MPV17L: variants seen among roughly 807,000 people sequenced by gnomAD.
MPV17L encodes the protein mpv17-like protein.
In MPV17L, 24 loss-of-function variants were observed where a neutral mutation model predicts 25.8. The observed-to-expected ratio is 0.93, with a 90% CI of 0.67 to 1.31. The LOEUF is 1.31. MPV17L is among the 50% of genes most tolerant of loss of function. The pLI is 0.00. For synonymous variants in MPV17L, 102 were observed against 115.3 expected, an observed-to-expected ratio of 0.88 and a Z score of 0.74; for missense variants, 250 against 265.6, an observed-to-expected ratio of 0.94 and a Z score of 0.41.
rs568299549 is a variant in MPV17L, at chr16:15,411,257, G to C, written c.*3145G>C. On this transcript the variant is annotated 3_prime_UTR_variant, in exon 4 of 4. Transcript: ENST00000396385. ...AAAACAAACAAACAAACAAAAAACT[G>C]TACCCAAGTTAATTATAAGTACTAC... 1.3e-5 allele frequency: 2 copies of C among 152,238 alleles called. No individual in the cohort carries two copies. The highest frequency in any genetic ancestry group is 1.5e-5 in the Non-Finnish European group (1 of 68,144). The allele number at this position is 152,238 out of a possible 1,614,324, so 9.4% of individuals were successfully genotyped here.
chr16:15,405,926 C>T (rs566873350), intron 2 of MPV17L, among the ~76,000 whole-genome samples: 31 of 151,852 alleles, frequency 2.0e-4, no homozygotes, highest in African/African-American at 7.2e-4. Context: ...TGGTGGCTCA[C>T]GCCTGTAATC....
Position 15,407,851 on chromosome 16 carries a change from C to T in MPV17L, c.409C>T (p.Gln137Ter), listed in dbSNP as rs753612895. The change falls in exon 3 of 4, where the codon CAG (glutamine) becomes TAG (stop). Residue 137 changes from glutamine to a stop codon, truncating the protein, a stop_gained and splice_region_variant. Coordinates refer to ENST00000396385, the MANE Select transcript of MPV17L (RefSeq NM_001128423.2). LOFTEE classifies it high-confidence loss of function. ...TGGACTGATGTACTGGCCCTTTGTACAGGTAAGTTCCACCTACTCAGTAAT... is the reference window on the plus strand; with the variant it reads ...TGGACTGATGTACTGGCCCTTTGTATAGGTAAGTTCCACCTACTCAGTAAT... ...LSGLMYWPFV[Q>*]LTNFSLVPVQ... 6.2e-7 allele frequency: 1 copy of T among 1,612,026 alleles called. No individual in the cohort carries two copies. Among genetic ancestry groups the T allele is most frequent in the South Asian group, 1.1e-5 (1 of 91,004 alleles).
chr16:15,403,092 G>A (rs897512777), intron 2 of MPV17L, among the ~76,000 whole-genome samples: 11 of 150,478 alleles, frequency 7.3e-5, no homozygotes, highest in African/African-American at 1.7e-4. Context: ...AGCAAGGACC[G>A]GAGGCAGTAG....
intron 1 of MPV17L, among the ~76,000 whole-genome samples, chr16:15,400,040 G>T (rs1364800317): frequency 1.3e-5 from 2 of 152,122 alleles, no homozygotes; most frequent in Non-Finnish European, 2.9e-5. Flanking sequence ...CCAACCTCAG[G>T]TGATCTGCCA....
intron 2 of MPV17L, among the ~76,000 whole-genome samples, chr16:15,401,075 TATATATATA>T (rs1416032015): frequency 1.6e-3 from 56 of 34,826 alleles, no homozygotes; most frequent in Middle Eastern, 9.1e-3. Context: ...TATATATATA[TATATATATA>T]TATTTTTTTT....
In MPV17L at chr16:15,409,079, C is replaced by CT. The variant is rs71152421; in HGVS notation, c.*987dup. The CT allele has an allele frequency of 0.57, 58,823 of 102,642 alleles. 19,610 individuals carry two copies. The highest frequency in any genetic ancestry group is 0.7 in the Non-Finnish European group (37,874 of 54,460). 6.4% of individuals were successfully genotyped at this position (102,642 alleles called of 1,614,324 possible). ...TACAGGCGTGAGCCACCACAACCGA[C>CT]TTTTTTTTTTTTTTTTTTTTGAGAC... On this transcript the variant is annotated 3_prime_UTR_variant, in exon 4 of 4. Coordinates refer to ENST00000396385, the MANE Select transcript of MPV17L (RefSeq NM_001128423.2).
rs532353987 is a variant in MPV17L at position 15,400,712 on chromosome 16, T to C, written c.311-75T>C. Reference sequence around the variant, plus strand: ...GTGATGGTTACTTTGCATTTTGGAATGGGAAACTTAAACATGAACTGTTAT... The same window carrying C: ...GTGATGGTTACTTTGCATTTTGGAACGGGAAACTTAAACATGAACTGTTAT... On this transcript the variant is annotated intron_variant, in intron 1 of 3. Coordinates refer to ENST00000396385, the MANE Select transcript of MPV17L (RefSeq NM_001128423.2). 17 of 1,001,836 alleles carry C rather than the reference T, an allele frequency of 1.7e-5. No individual in the cohort carries two copies. In the African/African-American group the frequency reaches 2.3e-4, roughly 14 times the overall value. 62.1% of individuals were successfully genotyped at this position (1,001,836 alleles called of 1,614,324 possible). A position where few individuals can be genotyped will look rare whatever the true frequency, so the allele number is the denominator to read the frequency against.
intron 2 of MPV17L, among the ~76,000 whole-genome samples, chr16:15,407,512 G>T (rs1220361953): frequency 1.7e-5 from 1 of 57,244 alleles, no homozygotes; most frequent in Non-Finnish European, 5.5e-5. Context: ...GGATGCCGAG[G>T]TGGTGGATCA....
intron 2 of MPV17L, among the ~76,000 whole-genome samples, chr16:15,402,576 A>G (rs1461751701): frequency 1.3e-5 from 2 of 152,118 alleles, no homozygotes; most frequent in Non-Finnish European, 2.9e-5. Context: ...AAGTGTGTTC[A>G]GAACTCTTGT....
At chr16:15,397,875 A>G (rs2050600924) in intron 1 of MPV17L, among the ~76,000 whole-genome samples, 1 of 152,064 alleles carries the variant, frequency 6.6e-6, no homozygotes, top group Non-Finnish European at 1.5e-5. Context: ...CCTGAGAGCT[A>G]GGGCCTCCTG....
At chr16:15,399,907 C>T (rs117024854) in intron 1 of MPV17L, among the ~76,000 whole-genome samples, 1,952 of 152,190 alleles carry the variant, frequency 0.013, 27 homozygotes, top group East Asian at 0.052. Flanking sequence ...TGGGTTCAAG[C>T]GATCCTTCTG....
chr16:15,399,555 A>AC, intron 1 of MPV17L: 1 of 330,242 alleles, frequency 3.0e-6, no homozygotes, highest in Middle Eastern at 1.1e-3. Flanking sequence ...ACAGGCACGC[A>AC]CCCCTATACC....
At chr16:15,404,112 AAAAAT>A (rs766600885) in intron 2 of MPV17L, among the ~76,000 whole-genome samples, 6 of 152,302 alleles carry the variant, frequency 3.9e-5, no homozygotes, top group African/African-American at 7.2e-5. Context: ...CTCAAAATAA[AAAAAT>A]AAAATAAAAT....
intron 2 of MPV17L, among the ~76,000 whole-genome samples, chr16:15,404,714 CG>C (rs2050666199): frequency 6.6e-6 from 1 of 151,858 alleles, no homozygotes; most frequent in South Asian, 2.1e-4. Flanking sequence ...CCCAGCTACT[CG>C]GGAGGCTGAG....
intron 2 of MPV17L, among the ~76,000 whole-genome samples, chr16:15,401,082 ATATAT>A (rs1431121149): frequency 6.7e-4 from 22 of 32,626 alleles, no homozygotes; most frequent in African/African-American, 1.7e-3. Flanking sequence ...ATATATATAT[ATATAT>A]TTTTTTTTTT....
intron 2 of MPV17L, among the ~76,000 whole-genome samples, chr16:15,401,086 ATTTTT>A (rs1242552489): frequency 3.0e-4 from 6 of 19,860 alleles, no homozygotes; most frequent in African/African-American, 8.3e-4. Flanking sequence ...ATATATATAT[ATTTTT>A]TTTTTTTTTT....
At chr16:15,405,263 C>T (rs2050670473) in intron 2 of MPV17L, among the ~76,000 whole-genome samples, 1 of 151,620 alleles carries the variant, frequency 6.6e-6, no homozygotes, top group Non-Finnish European at 1.5e-5. Context: ...CATGGCCAGG[C>T]ACAGTGGCTC....
rs2050719608 is a variant in MPV17L at position 15,410,061 on chromosome 16, A to G, written c.*1949A>G. ...CTTTAAGATAAATATTTATACTTTA[A>G]GGTAAACATGAGAAACTTGATCTAA... On this transcript the variant is annotated 3_prime_UTR_variant, in exon 4 of 4. Transcript: ENST00000396385. 1 of 152,224 alleles carries G rather than the reference A, an allele frequency of 6.6e-6. No individual in the cohort carries two copies. The highest frequency in any genetic ancestry group is 1.9e-4 in the East Asian group (1 of 5,204). The allele number at this position is 152,224 out of a possible 1,614,324, so 9.4% of individuals were successfully genotyped here. A position where few individuals can be genotyped will look rare whatever the true frequency, so the allele number is the denominator to read the frequency against.
In MPV17L at chr16:15,395,939, C is replaced by T; in HGVS notation, c.42C>T (p.Arg14=). The part of the protein sequence containing the change: ...WWPALSRAAR[R]HPWPTNVLLY... ...CGGCGTTGTCGCGCGCGGCCCGGCG[C>T]CACCCGTGGCCCACCAACGTGCTGC... Residue 14 remains arginine (R), a synonymous_variant, in exon 1 of 4, where the codon CGC becomes CGT. Coordinates refer to ENST00000396385, the MANE Select transcript of MPV17L (RefSeq NM_001128423.2). 1.4e-6 allele frequency: 2 copies of T among 1,469,480 alleles called. No individual in the cohort carries two copies. The highest frequency in any genetic ancestry group is 1.8e-6 in the Non-Finnish European group (2 of 1,120,410). 91.0% of individuals were successfully genotyped at this position (1,469,480 alleles called of 1,614,324 possible).
Sources: allele counts gnomAD v4.1 joint callset (sites outside exome capture counted in the v4.1 genomes callset), GRCh38; gene constraint gnomAD v4.1.1; transcripts MANE v1.5; gene names NCBI Gene and HGNC (gene_info 2026-07-23, HGNC 2026-07-21).